Variants in CRAMP1 observed in about 807,000 individuals in gnomAD.
CRAMP1 encodes the protein protein cramped-like.
CRAMP1 carries 50 observed loss-of-function variants against 115.4 expected under a neutral mutation model. The ratio of observed to expected loss-of-function variants is 0.43; its 90% CI spans 0.35 to 0.55. CRAMP1 has a LOEUF of 0.55. Ranked by LOEUF, CRAMP1 falls within the 20% of genes least tolerant of loss-of-function variation. CRAMP1 has a pLI of 0.01. For missense variants in CRAMP1, 1,679 were observed against 1,721.7 expected (o/e 0.98, Z 0.44); for synonymous variants, 866 against 745.4 (o/e 1.16, Z -2.64).
At position 1,674,367 on chromosome 16, in the gene CRAMP1, G is replaced by A. The variant is rs1596501370; in HGVS notation, c.*322G>A. On this transcript the variant is annotated 3_prime_UTR_variant, in exon 21 of 21. Transcript: ENST00000397412. ...CCTCGATTGTTGTGTTGGACATTCC[G>A]GTGGCATTTCCTTCTGAGACAAGGG... 3 of 321,510 alleles carry A rather than the reference G, an allele frequency of 9.3e-6. No individual in the cohort carries two copies. In the East Asian group the frequency reaches 2.0e-4, roughly 21 times the overall value. 19.9% of individuals were successfully genotyped at this position (321,510 alleles called of 1,614,324 possible).
intron 2 of CRAMP1, among the ~76,000 whole-genome samples, chr16:1,618,196 C>T (rs1045841693): frequency 6.6e-6 from 1 of 152,208 alleles, no homozygotes; most frequent in Non-Finnish European, 1.5e-5. Flanking sequence ...GCCTCAGAAT[C>T]GCTTGAACCC....
Position 1,614,817 on chromosome 16 carries a change from C to A in CRAMP1, c.178C>A (p.Pro60Thr). Residue 60 changes from proline to threonine, a missense_variant, in exon 2 of 21, where the codon CCC (proline) becomes ACC (threonine). Transcript: ENST00000397412. The surrounding 1 kb of genome is among the most constrained non-coding windows in gnomAD (Gnocchi z 4.4). ...KTPRAGADGP[P>T]APPGAPQAPS... ...CCCCCGGGCCGGCGCCGACGGCCCC[C>A]CCGCGCCCCCCGGCGCGCCGCAGGC... is the stretch of plus-strand genomic sequence containing the variant. 1 of 1,269,042 alleles carries A rather than the reference C, an allele frequency of 7.9e-7. No individual in the cohort carries two copies. The highest frequency in any genetic ancestry group is 3.2e-5 in the East Asian group (1 of 31,694). 78.6% of individuals were successfully genotyped at this position (1,269,042 alleles called of 1,614,324 possible). A position where few individuals can be genotyped will look rare whatever the true frequency, so the allele number is the denominator to read the frequency against.
At chr16:1,623,058 G>A (rs764539006) in intron 2 of CRAMP1, among the ~76,000 whole-genome samples, 3 of 152,064 alleles carry the variant, frequency 2.0e-5, no homozygotes, top group African/African-American at 4.8e-5. Context: ...CACCACGCCC[G>A]GTTAATTTTT....
intron 20 of CRAMP1, among the ~76,000 whole-genome samples, chr16:1,673,148 G>A (rs958670565): frequency 6.7e-6 from 1 of 148,290 alleles, no homozygotes; most frequent in East Asian, 2.0e-4. Context: ...GCCCCCAGCT[G>A]TCCTCATGTC....
At chr16:1,661,537 C>T (rs535212779) in intron 11 of CRAMP1, among the ~76,000 whole-genome samples, 4 of 141,348 alleles carry the variant, frequency 2.8e-5, no homozygotes, top group South Asian at 2.4e-4. Context: ...TCCTGGGTGA[C>T]GGAGGGGGTC....
chr16:1,654,232 A>G (rs1327694645), intron 8 of CRAMP1, among the ~76,000 whole-genome samples: 1 of 145,240 alleles, frequency 6.9e-6, no homozygotes, highest in East Asian at 2.1e-4. Context: ...TTTTTCCGAG[A>G]TGGAGTCTTG....
chr16:1,652,404 C>T (rs570590811), intron 6 of CRAMP1, 92 bp from the exon 7 acceptor site: 834 of 1,166,664 alleles, frequency 7.1e-4, no homozygotes, highest in Non-Finnish European at 9.6e-4. Flanking sequence ...CCAGGCCCCA[C>T]CTGGCCTGGC....
chr16:1,616,525 A>G (rs2142166297), intron 2 of CRAMP1, among the ~76,000 whole-genome samples: 1 of 152,312 alleles, frequency 6.6e-6, no homozygotes, highest in South Asian at 2.1e-4. Context: ...ACTTGTATGT[A>G]TAAGTGAAGT....
chr16:1,666,398 G>A lies in CRAMP1; in HGVS notation c.2858-24G>A. 1 of 1,602,854 alleles carries A rather than the reference G, an allele frequency of 6.2e-7. No homozygotes were observed. Among genetic ancestry groups the A allele is most frequent in the Non-Finnish European group, 8.5e-7 (1 of 1,173,870 alleles). On this transcript the variant is annotated intron_variant, in intron 15 of 20. Coordinates refer to ENST00000397412, the MANE Select transcript of CRAMP1 (RefSeq NM_020825.4). This position sits in a 1 kb window ranked among gnomAD's most constrained non-coding sequence, Gnocchi z 5.0. Reference sequence around the variant, plus strand: ...TATGGGTTGTCAGTAGAGCAGAGATGTGCAGCGTCCTTTTTGTTGCCAGGT... The same window carrying A: ...TATGGGTTGTCAGTAGAGCAGAGATATGCAGCGTCCTTTTTGTTGCCAGGT...
At position 1,626,152 on chromosome 16, in the gene CRAMP1, G is replaced by T; in HGVS notation, c.526G>T (p.Glu176Ter). The T allele has an allele frequency of 6.6e-7, 1 of 1,522,300 alleles. No individual in the cohort carries two copies. Among genetic ancestry groups the T allele is most frequent in the South Asian group, 1.3e-5 (1 of 79,422 alleles). The allele number at this position is 1,522,300 out of a possible 1,614,324, so 94.3% of individuals were successfully genotyped here. Residue 176 changes from glutamate to a stop codon, truncating the protein, a stop_gained, in exon 3 of 21, where the codon GAG (glutamate) becomes TAG (stop). Transcript: ENST00000397412. LOFTEE classifies it high-confidence loss of function. ...CACAGAGGACAAGAACACCTTCTTCGAGGGGCTGTACGAGGTGAGTAGGCT... is the reference window on the plus strand; with the variant it reads ...CACAGAGGACAAGAACACCTTCTTCTAGGGGCTGTACGAGGTGAGTAGGCT... ...WSTEDKNTFF[E>*]GLYEHGKDFE...
At chr16:1,665,019 A>ATT in intron 13 of CRAMP1, 38 bp from the exon 14 acceptor site, 1 of 1,367,124 alleles carries the variant, frequency 7.3e-7, no homozygotes, top group Admixed American at 1.7e-5. Context: ...TTGGTATGGG[A>ATT]GTTTCATCAC....
intron 2 of CRAMP1, among the ~76,000 whole-genome samples, chr16:1,617,595 A>C (rs1251994882): frequency 6.6e-6 from 1 of 152,230 alleles, no homozygotes; most frequent in Non-Finnish European, 1.5e-5. Context: ...AGGAATACTT[A>C]GCTCAATCAC....
intron 10 of CRAMP1, among the ~76,000 whole-genome samples, chr16:1,658,571 A>G (rs945573665): frequency 3.3e-5 from 5 of 152,136 alleles, no homozygotes; most frequent in Non-Finnish European, 7.3e-5. Flanking sequence ...ACAGACAGAC[A>G]GACAGGTGCC....
Position 1,659,272 on chromosome 16 carries a change from C to T in CRAMP1, c.2236-614C>T, listed in dbSNP as rs532409816. 1.2e-4 allele frequency among the ~76,000 whole-genome samples: 19 copies of T among 152,352 alleles called. No individual in the cohort carries two copies. The South Asian group carries it at 3.5e-3, about 28-fold the overall frequency. On this transcript the variant is annotated intron_variant, in intron 10 of 20. Coordinates refer to ENST00000397412, the MANE Select transcript of CRAMP1 (RefSeq NM_020825.4). ...CTTCCTGCAGCCTGTGCTGGCACTT[C>T]GGGCTGGTTCCCTCCCTCCCACCTC...
chr16:1,656,244 G>C lies in CRAMP1; in HGVS notation c.1487G>C (p.Gly496Ala), dbSNP rs145412892. ...GAGAGTTCCCCCGAAAGCGCCCCCG[G>C]GGAGGGGGCTGCCCTAAGCTTGAGC... ...SGESSPESAP[G>A]EGAALSLSSP... is the part of the protein sequence containing the mutation. Residue 496 changes from glycine to alanine, a missense_variant, in exon 10 of 21, where the codon GGG becomes GCG. This residue lies in a region of CRAMP1 where 405 missense variants were observed against 302.6 expected (regional missense o/e 1.34). Transcript: ENST00000397412. This position sits in a 1 kb window ranked among gnomAD's most constrained non-coding sequence, Gnocchi z 5.6. The C allele has an allele frequency of 1.3e-5, 21 of 1,609,696 alleles. No individual in the cohort carries two copies. The highest frequency in any genetic ancestry group is 1.7e-5 in the Non-Finnish European group (20 of 1,179,242).
intron 6 of CRAMP1, 137 bp from the exon 7 acceptor site, chr16:1,652,359 C>A: frequency 1.5e-6 from 1 of 661,230 alleles, no homozygotes; most frequent in Non-Finnish European, 2.6e-6. Flanking sequence ...TCCCACTGTC[C>A]TACGCGGGCT....
chr16:1,634,995 T>C (rs1257531361), intron 4 of CRAMP1, among the ~76,000 whole-genome samples: 2 of 152,132 alleles, frequency 1.3e-5, no homozygotes, highest in African/African-American at 4.8e-5. Context: ...ATCTCCCAGT[T>C]TCAAGCGATT....
rs536937933 is a variant in CRAMP1 at position 1,672,788 on chromosome 16, C to T, written c.3646-1093C>T. Among the ~76,000 whole-genome samples the T allele has an allele frequency of 2.6e-5, 4 of 152,306 alleles. No individual in the cohort carries two copies. The highest frequency in any genetic ancestry group is 2.1e-4 in the South Asian group (1 of 4,826). On this transcript the variant is annotated intron_variant, in intron 20 of 20. Transcript: ENST00000397412. The surrounding 1 kb of genome is among the most constrained non-coding windows in gnomAD (Gnocchi z 4.9). ...TAAGCGCTGAAAACGGCACATTCTA[C>T]GTATTTGCTCATGGGACAAGATCCC...
At chr16:1,646,958 G>A (rs566277318) in intron 6 of CRAMP1, 84 of 696,400 alleles carry the variant, frequency 1.2e-4, no homozygotes, top group East Asian at 5.9e-4. Context: ...TGACTGTACC[G>A]TGTGGTTCCA....
Sources: gnomAD v4.1 joint callset for allele counts (sites outside exome capture counted in the v4.1 genomes callset) on GRCh38, gnomAD v4.1.1 for gene constraint, gnomAD v4.1.1 regional missense constraint, Gnocchi (gnomAD v3.1) non-coding constraint, MANE v1.5 for transcripts, NCBI Gene and HGNC (gene_info 2026-07-23, HGNC 2026-07-21) for gene names.